The following FAM135A variants were observed in gnomAD, a reference collection of about 807,000 sequenced individuals.
FAM135A encodes the protein family with sequence similarity 135 member A.
Under a neutral mutation model 146.8 loss-of-function variants are expected in FAM135A, and 79 were observed. That is an observed-to-expected ratio of 0.54 (90% CI 0.45 to 0.65). FAM135A has a LOEUF of 0.65. Among genes scored for constraint, FAM135A ranks in the 30% least tolerant of loss-of-function variants. FAM135A has a pLI of 0.00. For synonymous variants in FAM135A, 562 were observed against 603.6 expected (o/e 0.93, Z 1.01); for missense variants, 1,623 against 1,758.2 (o/e 0.92, Z 1.38).
At chr6:70,479,784 A>G (rs1445179155) in intron 8 of FAM135A, among the ~76,000 whole-genome samples, 1 of 152,162 alleles carries the variant, frequency 6.6e-6, no homozygotes, top group Non-Finnish European at 1.5e-5. Context: ...TTTTATGGTC[A>G]ATGCAATCTA....
chr6:70,446,893 A>G (rs530639673), intron 4 of FAM135A, among the ~76,000 whole-genome samples: 4 of 152,352 alleles, frequency 2.6e-5, no homozygotes, highest in Admixed American at 6.5e-5. Context: ...TGAGGGCTAT[A>G]TAATTGTTCT....
At position 70,524,955 on chromosome 6, in the gene FAM135A, A is replaced by T; in HGVS notation, c.1871A>T (p.Asp624Val). 1.2e-6 allele frequency: 2 copies of T among 1,606,180 alleles called. No individual in the cohort carries two copies. The highest frequency in any genetic ancestry group is 1.7e-6 in the Non-Finnish European group (2 of 1,177,222). Residue 624 changes from aspartate to valine, a missense_variant, in exon 15 of 22, where the codon GAT becomes GTT. Physicochemically the swap from Asp to Val is radical, Grantham distance 152 (BLOSUM62 -3). This residue lies in a region of FAM135A where 1,061 missense variants were observed against 1,113.8 expected (regional missense o/e 0.95). Transcript: ENST00000418814. The stretch of plus-strand genomic sequence containing the variant: ...GGTAAACTTGATATCTCCCAGGACG[A>T]TAGTGAAATTACACAAATGGAACAC... ...ISGKLDISQD[D>V]SEITQMEHNL...
intron 5 of FAM135A, among the ~76,000 whole-genome samples, chr6:70,468,650 G>A (rs573714403): frequency 9.0e-4 from 137 of 152,290 alleles, no homozygotes; most frequent in African/African-American, 3.1e-3. Context: ...TTGTTAGGTT[G>A]CAAGTTTGGT....
intron 2 of FAM135A, among the ~76,000 whole-genome samples, chr6:70,424,736 G>A (rs78403888): frequency 0.046 from 7,030 of 152,174 alleles, 360 homozygotes; most frequent in African/African-American, 0.11. Context: ...TAAACATGGC[G>A]AAGAACCACC....
At position 70,474,280 on chromosome 6, in the gene FAM135A, C is replaced by CTT. The variant is rs200432127; in HGVS notation, c.158-1123_158-1122dup. Among the ~76,000 whole-genome samples the CTT allele has an allele frequency of 6.0e-5, 9 of 149,754 alleles. No individual in the cohort carries two copies. The South Asian group carries it at 1.9e-3, about 31-fold the overall frequency. Reference sequence around the variant, plus strand: ...CTAGTTTCTTTTTCTTTTTCTTTTTCTTTTTTTTCTCTAGTTTCAATTGTT... The same window carrying CTT: ...CTAGTTTCTTTTTCTTTTTCTTTTTCTTTTTTTTTTCTCTAGTTTCAATTGTT... On this transcript the variant is annotated intron_variant, in intron 5 of 21. Transcript: ENST00000418814.
Position 70,490,190 on chromosome 6 carries a change from G to T in FAM135A, c.824-844G>T, listed in dbSNP as rs993212235. On this transcript the variant is annotated intron_variant, in intron 10 of 21. Transcript: ENST00000418814. ...TGTGTTCTTGCCTTTGTGTGAGAAA[G>T]ATCAATTAAACTCTTTCACAACAAG... Among the ~76,000 whole-genome samples, 9 of 152,110 alleles carry T rather than the reference G, an allele frequency of 5.9e-5. No homozygotes were observed. In the South Asian group the frequency reaches 6.2e-4, roughly 10 times the overall value.
chr6:70,414,486 A>T (rs17693643), intron 1 of FAM135A, among the ~76,000 whole-genome samples: 5,306 of 149,658 alleles, frequency 0.035, 142 homozygotes, highest in Non-Finnish European at 0.054. Flanking sequence ...TCTAATCTTA[A>T]TTTTTTCCCC....
intron 4 of FAM135A, among the ~76,000 whole-genome samples, chr6:70,439,351 T>G (rs1773933285): frequency 6.6e-6 from 1 of 152,208 alleles, no homozygotes; most frequent in South Asian, 2.1e-4. Context: ...TTTATCATTA[T>G]GAAAAGACCC....
chr6:70,513,494 A>G (rs1358723278), intron 12 of FAM135A: 1 of 151,146 alleles, frequency 6.6e-6, no homozygotes, highest in East Asian at 1.9e-4. Flanking sequence ...GATTCGGACA[A>G]TTTGTGGGCA....
chr6:70,510,442 A>G (rs764357006), intron 12 of FAM135A, among the ~76,000 whole-genome samples: 13 of 152,042 alleles, frequency 8.6e-5, no homozygotes, highest in Non-Finnish European at 1.6e-4. Flanking sequence ...ACATTAAGGA[A>G]TCACTCCCAT....
intron 1 of FAM135A, among the ~76,000 whole-genome samples, chr6:70,415,052 A>G (rs1767256274): frequency 6.6e-6 from 1 of 152,244 alleles, no homozygotes; most frequent in African/African-American, 2.4e-5. Context: ...TAATAAATGC[A>G]TACAATTTCT....
chr6:70,528,490 A>C (rs765695168), intron 16 of FAM135A, 38 bp downstream of exon 16: 17 of 1,426,508 alleles, frequency 1.2e-5, no homozygotes, highest in Non-Finnish European at 1.6e-5. Context: ...GAGCAACTCA[A>C]TATATTTTTT....
chr6:70,516,777 C>T (rs571523334), intron 12 of FAM135A, among the ~76,000 whole-genome samples: 87 of 151,936 alleles, frequency 5.7e-4, no homozygotes, highest in Non-Finnish European at 7.9e-4. Context: ...CCTTGTGATC[C>T]GCCCATCTCG....
rs375692237 is a variant in FAM135A, at chr6:70,452,464, A to G, written c.78-28A>G. 3.9e-6 allele frequency: 6 copies of G among 1,534,786 alleles called. No individual in the cohort carries two copies. In the African/African-American group the frequency reaches 6.9e-5, roughly 18 times the overall value. ...TTGCATATTTTTAAATATGTTTTGAAATAACTTCCTTGTTTATTTTGCTTT... is the reference window on the plus strand; with the variant it reads ...TTGCATATTTTTAAATATGTTTTGAGATAACTTCCTTGTTTATTTTGCTTT... On this transcript the variant is annotated intron_variant, in intron 4 of 21. Transcript: ENST00000418814.
chr6:70,435,008 T>A (rs1291408797), intron 4 of FAM135A, among the ~76,000 whole-genome samples: 1 of 150,892 alleles, frequency 6.6e-6, no homozygotes, highest in African/African-American at 2.4e-5. Flanking sequence ...AAGAACATAT[T>A]ATGATTTGGA....
intron 4 of FAM135A, among the ~76,000 whole-genome samples, chr6:70,450,730 T>G (rs1210130892): frequency 1.4e-4 from 9 of 64,852 alleles, no homozygotes; most frequent in South Asian, 5.8e-4. Context: ...TTTTTTTTTT[T>G]TTTTTTTTTT....
intron 12 of FAM135A, among the ~76,000 whole-genome samples, chr6:70,516,825 G>A (rs566837853): frequency 1.4e-4 from 21 of 152,062 alleles, no homozygotes; most frequent in Admixed American, 3.9e-4. Context: ...GTGAGCCACC[G>A]TGCCCAGCCA....
intron 4 of FAM135A, among the ~76,000 whole-genome samples, chr6:70,441,720 T>G (rs1040350145): frequency 2.6e-5 from 4 of 151,026 alleles, no homozygotes; most frequent in Admixed American, 6.6e-5. Context: ...AGTCTCACTC[T>G]GTCGCCCAGG....
chr6:70,486,175 A>G, intron 10 of FAM135A: 1 of 1,613,846 alleles, frequency 6.2e-7, no homozygotes, highest in East Asian at 2.2e-5. Flanking sequence ...AGCCAAGGCC[A>G]ACATGCAGCT....
Sources: allele counts gnomAD v4.1 joint callset (sites outside exome capture counted in the v4.1 genomes callset), GRCh38; gene constraint gnomAD v4.1.1; regional missense constraint gnomAD v4.1.1; transcripts MANE v1.5; gene names NCBI Gene and HGNC (gene_info 2026-07-23, HGNC 2026-07-21).